The following BABAM2 variants were observed in gnomAD, a reference collection of about 807,000 sequenced individuals.
The protein encoded by BABAM2 is BRISC and BRCA1 A complex member 2, also known as BRISC and BRCA1-A complex member 2.
Under a neutral mutation model 54.7 loss-of-function variants are expected in BABAM2, and 31 were observed. That is an observed-to-expected ratio of 0.57 (90% CI 0.43 to 0.77). The LOEUF is 0.77. Ranked by LOEUF, BABAM2 falls within the 30% of genes least tolerant of loss-of-function variation. The pLI is 0.00. For synonymous variants in BABAM2, 167 were observed against 162.9 expected (o/e 1.03, Z -0.19); for missense variants, 364 against 455.8 (o/e 0.80, Z 1.83).
chr2:28,290,323 T>C (rs550026978), intron 10 of BABAM2, among the ~76,000 whole-genome samples: 20 of 152,334 alleles, frequency 1.3e-4, no homozygotes, highest in Admixed American at 8.5e-4. Flanking sequence ...ACACATGTGG[T>C]AGTTTCTTAA....
At chr2:28,045,307 A>G (rs1677474142) in intron 5 of BABAM2, among the ~76,000 whole-genome samples, 1 of 152,210 alleles carries the variant, frequency 6.6e-6, no homozygotes, top group Non-Finnish European at 1.5e-5. Flanking sequence ...GGTGTATGCC[A>G]TCAGCCTTGT....
intron 3 of BABAM2, among the ~76,000 whole-genome samples, chr2:27,981,867 A>G (rs985207638): frequency 6.6e-6 from 1 of 152,148 alleles, no homozygotes; most frequent in Admixed American, 6.6e-5. Context: ...GGGTATATGT[A>G]TACCTACGAG....
rs565255243 is a variant in BABAM2 at position 27,982,884 on chromosome 2, T to C, written c.206-5109T>C. Among the ~76,000 whole-genome samples, 529 of 129,326 alleles carry C rather than the reference T, an allele frequency of 4.1e-3. 2 individuals are homozygous for C. Among genetic ancestry groups the C allele is most frequent in the South Asian group, 0.012 (49 of 3,940 alleles). The allele number at this position is 129,326 out of a possible 152,430, so 84.8% of individuals were successfully genotyped here. A position where few individuals can be genotyped will look rare whatever the true frequency, so the allele number is the denominator to read the frequency against. ...ACACACACACACACACACACACACA[T>C]ATATGTCACATTTGGTTTATCCATT... On this transcript the variant is annotated intron_variant, in intron 3 of 11. Coordinates refer to ENST00000379624, the MANE Select transcript of BABAM2 (RefSeq NM_199191.3).
intron 10 of BABAM2, among the ~76,000 whole-genome samples, chr2:28,288,648 A>G (rs1687022131): frequency 1.3e-5 from 2 of 152,214 alleles, no homozygotes; most frequent in Admixed American, 6.5e-5. Context: ...GAGCAAAATT[A>G]AAAGTGGAGA....
chr2:28,137,217 G>C (rs1670625631), intron 7 of BABAM2, among the ~76,000 whole-genome samples: 2 of 152,064 alleles, frequency 1.3e-5, no homozygotes, highest in Non-Finnish European at 2.9e-5. Context: ...AGTAAACATG[G>C]TTTAATTTAG....
intron 6 of BABAM2, among the ~76,000 whole-genome samples, chr2:28,083,190 C>T (rs6726377): frequency 6.6e-6 from 1 of 152,136 alleles, no homozygotes; most frequent in Non-Finnish European, 1.5e-5. Context: ...CTGCTTACCA[C>T]GTCCTGAACT....
intron 4 of BABAM2, among the ~76,000 whole-genome samples, chr2:28,008,820 T>G (rs1448560583): frequency 6.6e-6 from 1 of 152,070 alleles, no homozygotes; most frequent in African/African-American, 2.4e-5. Flanking sequence ...TTAGTAAAAT[T>G]CATTACTATA....
At chr2:28,313,102 A>G (rs971702848) in intron 11 of BABAM2, among the ~76,000 whole-genome samples, 3 of 152,184 alleles carry the variant, frequency 2.0e-5, no homozygotes, top group African/African-American at 7.2e-5. Context: ...GTGGCCTGGC[A>G]TGGGTGCCTT....
At chr2:28,317,112 A>C (rs1287194374) in intron 11 of BABAM2, among the ~76,000 whole-genome samples, 2 of 151,948 alleles carry the variant, frequency 1.3e-5, no homozygotes, top group Non-Finnish European at 2.9e-5. Flanking sequence ...CTCCTCTCCT[A>C]ACAGCGAGCA....
At chr2:27,973,021 G>A (rs1261228871) in intron 3 of BABAM2, among the ~76,000 whole-genome samples, 1 of 151,742 alleles carries the variant, frequency 6.6e-6, no homozygotes, top group Non-Finnish European at 1.5e-5. Context: ...GCCCGCCTCG[G>A]CCTCCCAAAG....
intron 7 of BABAM2, among the ~76,000 whole-genome samples, chr2:28,131,949 C>T (rs1403538850): frequency 6.6e-6 from 1 of 152,106 alleles, no homozygotes; most frequent in East Asian, 1.9e-4. Context: ...ACATTTGTTC[C>T]AGCAGCTAGG....
At chr2:28,241,736 G>T (rs557217675) in intron 9 of BABAM2, among the ~76,000 whole-genome samples, 1 of 151,616 alleles carries the variant, frequency 6.6e-6, no homozygotes, top group East Asian at 1.9e-4. Flanking sequence ...CTTGTGATCC[G>T]CCCACCTTGG....
intron 7 of BABAM2, among the ~76,000 whole-genome samples, chr2:28,235,254 C>A (rs1490476447): frequency 6.6e-6 from 1 of 152,190 alleles, no homozygotes; most frequent in Admixed American, 6.5e-5. Context: ...CTGCTCACTG[C>A]AACCTCTACC....
rs1482208439 is a variant in BABAM2 at position 28,198,612 on chromosome 2, T to A, written c.681-38590T>A. 2.6e-5 allele frequency among the ~76,000 whole-genome samples: 4 copies of A among 152,184 alleles called. No individual in the cohort carries two copies. In the South Asian group the frequency reaches 8.3e-4, roughly 32 times the overall value. ...GCTGTGTGTCCATAGTACCTGTCCTTCCTTCTCCCCCTTGCCTTTAGCTCC... is the reference window on the plus strand; with the variant it reads ...GCTGTGTGTCCATAGTACCTGTCCTACCTTCTCCCCCTTGCCTTTAGCTCC... On this transcript the variant is annotated intron_variant, in intron 7 of 11. Coordinates refer to ENST00000379624, the MANE Select transcript of BABAM2 (RefSeq NM_199191.3).
chr2:28,272,890 G>A (rs1192902969), intron 10 of BABAM2, among the ~76,000 whole-genome samples: 2 of 152,148 alleles, frequency 1.3e-5, no homozygotes, highest in Admixed American at 6.5e-5. Flanking sequence ...TGGCTGGGAC[G>A]ACATGTGGAG....
intron 7 of BABAM2, among the ~76,000 whole-genome samples, chr2:28,229,521 T>C (rs1360139223): frequency 6.6e-6 from 1 of 152,184 alleles, no homozygotes; most frequent in Non-Finnish European, 1.5e-5. Context: ...ACTCTTCTCA[T>C]TTATACTGTG....
intron 6 of BABAM2, among the ~76,000 whole-genome samples, chr2:28,071,141 GA>G (rs1664101411): frequency 6.6e-6 from 1 of 152,098 alleles, no homozygotes; most frequent in Admixed American, 6.6e-5. Flanking sequence ...CCACCATTCT[GA>G]CTGTTAGGAA....
At chr2:28,119,135 A>G (rs1016628457) in intron 6 of BABAM2, among the ~76,000 whole-genome samples, 3 of 152,284 alleles carry the variant, frequency 2.0e-5, no homozygotes, top group South Asian at 2.1e-4. Flanking sequence ...GCCTTGTAGT[A>G]TAGGTTGGAG....
chr2:27,932,113 A>T (rs1320027620), intron 3 of BABAM2, among the ~76,000 whole-genome samples: 1 of 152,128 alleles, frequency 6.6e-6, no homozygotes, highest in Non-Finnish European at 1.5e-5. Flanking sequence ...TGATTTCTTG[A>T]TAAACAGGTT....
Sources: gnomAD v4.1 joint callset for allele counts (sites outside exome capture counted in the v4.1 genomes callset) on GRCh38, gnomAD v4.1.1 for gene constraint, MANE v1.5 for transcripts, NCBI Gene and HGNC (gene_info 2026-07-23, HGNC 2026-07-21) for gene names.